The following FNDC3A variants were observed in gnomAD, a reference collection of about 807,000 sequenced individuals.
FNDC3A encodes the protein fibronectin type III domain containing 3A.
FNDC3A carries 32 observed loss-of-function variants against 148.9 expected under a neutral mutation model. The ratio of observed to expected loss-of-function variants is 0.21; its 90% CI spans 0.16 to 0.29. FNDC3A has a LOEUF of 0.29. Among genes scored for constraint, FNDC3A ranks in the 10% least tolerant of loss-of-function variants. The pLI, the probability that FNDC3A is intolerant of heterozygous loss-of-function variation, is 1.00. For synonymous variants in FNDC3A, 472 were observed against 473.6 expected, an observed-to-expected ratio of 1.00 and a Z score of 0.04; for missense variants, 1,191 against 1,452.8, an observed-to-expected ratio of 0.82 and a Z score of 2.93.
intron 1 of FNDC3A, among the ~76,000 whole-genome samples, chr13:48,986,388 T>TG (rs1182589019): frequency 4.3e-5 from 4 of 92,414 alleles, no homozygotes; most frequent in Admixed American, 3.4e-4. Flanking sequence ...GGAAGTTGTT[T>TG]TTTTTTTTTT....
Position 49,103,471 on chromosome 13 carries a change from A to G in FNDC3A, c.176-11184A>G, listed in dbSNP as rs185322790. ...AGAATTTGGACTTCATCTCATCACA[A>G]TACAGAATGGTCTCTGGGTTATAAG... is the stretch of plus-strand genomic sequence containing the variant. On this transcript the variant is annotated intron_variant, in intron 3 of 25. Coordinates refer to ENST00000492622, the MANE Select transcript of FNDC3A (RefSeq NM_001079673.2). Among the ~76,000 whole-genome samples the G allele has an allele frequency of 5.3e-3, 806 of 152,300 alleles. 7 individuals are homozygous for G. The highest frequency in any genetic ancestry group is 0.018 in the African/African-American group (769 of 41,570).
intron 2 of FNDC3A, among the ~76,000 whole-genome samples, chr13:49,039,712 T>C (rs1874775826): frequency 6.6e-6 from 1 of 152,130 alleles, no homozygotes; most frequent in African/African-American, 2.4e-5. Context: ...TGTTTTTGTT[T>C]TTTGTTTTTT....
intron 2 of FNDC3A, among the ~76,000 whole-genome samples, chr13:49,070,976 A>G (rs1405155901): frequency 7.2e-6 from 1 of 138,778 alleles, no homozygotes; most frequent in Non-Finnish European, 1.5e-5. Context: ...GTAGCTCACT[A>G]CAGTCTTGAC....
chr13:49,000,513 G>A (rs879505569), intron 1 of FNDC3A, among the ~76,000 whole-genome samples: 1 of 152,198 alleles, frequency 6.6e-6, no homozygotes, highest in Non-Finnish European at 1.5e-5. Flanking sequence ...CAGGAAGTGT[G>A]AGTCCTTCAA....
intron 2 of FNDC3A, among the ~76,000 whole-genome samples, chr13:49,040,848 T>A (rs1942324529): frequency 1.3e-5 from 2 of 152,216 alleles, no homozygotes; most frequent in Non-Finnish European, 2.9e-5. Flanking sequence ...AGTTACTTGG[T>A]TTACAGGATT....
chr13:49,017,149 G>A (rs1329442774), intron 2 of FNDC3A, among the ~76,000 whole-genome samples: 2 of 151,960 alleles, frequency 1.3e-5, no homozygotes, highest in Non-Finnish European at 2.9e-5. Context: ...TCAATTCCTG[G>A]GTATCCTTGC....
chr13:48,977,878 G>T (rs1292188278), intron 1 of FNDC3A, among the ~76,000 whole-genome samples: 1 of 151,964 alleles, frequency 6.6e-6, no homozygotes, highest in African/African-American at 2.4e-5. Flanking sequence ...TTTTCTATGT[G>T]TAGGTTAACT....
At chr13:49,009,280 C>G (rs1360659219) in intron 2 of FNDC3A, among the ~76,000 whole-genome samples, 1 of 152,190 alleles carries the variant, frequency 6.6e-6, no homozygotes, top group African/African-American at 2.4e-5. Flanking sequence ...TAATTTCTTT[C>G]CACGGCTTAA....
At chr13:49,034,642 T>C (rs1397060140) in intron 2 of FNDC3A, among the ~76,000 whole-genome samples, 1 of 152,080 alleles carries the variant, frequency 6.6e-6, no homozygotes, top group Non-Finnish European at 1.5e-5. Context: ...GCAGTTTATG[T>C]AAGAAAACTT....
At position 49,207,294 on chromosome 13, in the gene FNDC3A, C is replaced by G. The variant is rs200488768; in HGVS notation, c.3496C>G (p.Arg1166Gly). 1.9e-6 allele frequency: 3 copies of G among 1,614,086 alleles called. No individual in the cohort carries two copies. Among genetic ancestry groups the G allele is most frequent in the Non-Finnish European group, 2.5e-6 (3 of 1,179,912 alleles). ...CACTGTGGAAAGCACAAGGACCCGA[C>G]GGGCACTGAGTGACGAGCAGTGTGC... ...RDTVESTRTR[R>G]ALSDEQCAAV... The change falls in exon 26 of 26, where the codon CGG becomes GGG. Residue 1166 changes from arginine (R) to glycine (G), a missense_variant. Arg to Gly is a moderately radical substitution (Grantham distance 125). Around this residue, in one of 3 missense-constraint regions of FNDC3A, gnomAD observed 751 missense variants for 944.0 expected, o/e 0.80. Transcript: ENST00000492622.
At chr13:49,136,733 G>A (rs1882387756) in intron 6 of FNDC3A, 132 bp downstream of exon 6, 8 of 807,924 alleles carry the variant, frequency 9.9e-6, no homozygotes, top group Admixed American at 8.4e-5. Context: ...GCTTTCGACA[G>A]TTTGGAAAGC....
intron 2 of FNDC3A, 27 bp downstream of exon 2, chr13:49,006,316 T>C (rs1952220568): frequency 7.7e-7 from 1 of 1,305,278 alleles, no homozygotes; most frequent in Non-Finnish European, 1.1e-6. Context: ...GTTTATTTCT[T>C]TATGTCTAAT....
intron 1 of FNDC3A, among the ~76,000 whole-genome samples, chr13:48,985,581 G>A (rs773879346): frequency 3.3e-5 from 5 of 152,042 alleles, no homozygotes; most frequent in African/African-American, 4.8e-5. Context: ...AGACATAGAT[G>A]TACTTCTTAA....
At chr13:48,990,693 C>T (rs74542885) in intron 1 of FNDC3A, among the ~76,000 whole-genome samples, 6 of 151,522 alleles carry the variant, frequency 4.0e-5, no homozygotes, top group South Asian at 4.2e-4. Context: ...ACCCAGGAGG[C>T]GGAGATTGCA....
intron 2 of FNDC3A, among the ~76,000 whole-genome samples, chr13:49,062,994 A>G (rs983991247): frequency 1.3e-5 from 2 of 152,216 alleles, no homozygotes; most frequent in African/African-American, 4.8e-5. Context: ...TTTTATGTGT[A>G]TATCATGTTT....
At chr13:49,112,773 A>G (rs999005151) in intron 3 of FNDC3A, among the ~76,000 whole-genome samples, 1 of 152,104 alleles carries the variant, frequency 6.6e-6, no homozygotes, top group East Asian at 1.9e-4. Context: ...TGATGATGAT[A>G]TTTACCTGAT....
At chr13:48,976,564 C>A (rs1951603773) in intron 1 of FNDC3A, 2 of 152,220 alleles carry the variant, frequency 1.3e-5, no homozygotes, top group African/African-American at 2.4e-5. Flanking sequence ...CGCGGCGAGC[C>A]GCGTAGCTCC....
chr13:49,036,003 G>T (rs1874465248), intron 2 of FNDC3A, among the ~76,000 whole-genome samples: 1 of 152,074 alleles, frequency 6.6e-6, no homozygotes, highest in Admixed American at 6.5e-5. Context: ...ACAAGATCTA[G>T]CCAAGTATAG....
chr13:49,037,906 T>C (rs915768135), intron 2 of FNDC3A, among the ~76,000 whole-genome samples: 31 of 152,308 alleles, frequency 2.0e-4, no homozygotes, highest in African/African-American at 7.2e-4. Context: ...CGTCCACAGA[T>C]GGCTTAAGTG....
Sources: allele counts gnomAD v4.1 joint callset (sites outside exome capture counted in the v4.1 genomes callset), GRCh38; gene constraint gnomAD v4.1.1; regional missense constraint gnomAD v4.1.1; transcripts MANE v1.5; gene names NCBI Gene and HGNC (gene_info 2026-07-23, HGNC 2026-07-21).